Variants in CHD9 observed in about 807,000 individuals in gnomAD.
The protein encoded by CHD9 is ATP-dependent chromatin remodeler CHD9.
Under a neutral mutation model 316.1 loss-of-function variants are expected in CHD9, and 77 were observed. The observed-to-expected ratio is 0.24, with a 90% CI of 0.20 to 0.29. The LOEUF is 0.29. CHD9 is among the 10% of genes least tolerant of loss of function. The pLI is 1.00. For synonymous variants in CHD9, 1,129 were observed against 1,158.3 expected, an observed-to-expected ratio of 0.97 and a Z score of 0.51; for missense variants, 2,763 against 3,438.1, an observed-to-expected ratio of 0.80 and a Z score of 4.91.
At chr16:53,105,416 T>G (rs1183478283) in intron 1 of CHD9, among the ~76,000 whole-genome samples, 1 of 152,206 alleles carries the variant, frequency 6.6e-6, no homozygotes, top group African/African-American at 2.4e-5. Flanking sequence ...TACAACTTGA[T>G]TTTCTCATTT....
chr16:53,195,096 CAAATT>C (rs751103174), intron 2 of CHD9, among the ~76,000 whole-genome samples: 8 of 152,104 alleles, frequency 5.3e-5, no homozygotes, highest in Non-Finnish European at 7.4e-5. Context: ...AGAAAATACA[CAAATT>C]AAAAGTGAAC....
rs778810970 is a variant in CHD9 at position 53,267,440 on chromosome 16, C to T, written c.4467C>T (p.Gly1489=). The change falls in exon 21 of 39, where the codon GGC becomes GGT. Residue 1489 remains glycine, a synonymous_variant. Coordinates refer to ENST00000447540, the MANE Select transcript of CHD9 (RefSeq NM_001308319.2). ...KLRRPCDRSN[G]YGRTECFRVE... is the part of the protein sequence containing the mutation. ...GGAGACCCTGTGACCGTTCCAATGGCTATGGAAGAACTGAATGCTTTAGAG... is the reference window on the plus strand; with the variant it reads ...GGAGACCCTGTGACCGTTCCAATGGTTATGGAAGAACTGAATGCTTTAGAG... 6.2e-7 allele frequency: 1 copy of T among 1,610,996 alleles called. No homozygotes were observed. Among genetic ancestry groups the T allele is most frequent in the Non-Finnish European group, 8.5e-7 (1 of 1,178,274 alleles).
intron 38 of CHD9, among the ~76,000 whole-genome samples, chr16:53,322,531 G>A (rs1008672887): frequency 3.3e-5 from 5 of 151,386 alleles, no homozygotes; most frequent in African/African-American, 1.2e-4. Context: ...GGCAGAGGTT[G>A]CAGTGAGCCA....
intron 1 of CHD9, among the ~76,000 whole-genome samples, chr16:53,069,921 T>TG (rs201964458): frequency 5.9e-5 from 5 of 84,452 alleles, no homozygotes; most frequent in South Asian, 3.6e-4. Flanking sequence ...TGTTTGTGTG[T>TG]GGTTTTTTTT....
intron 21 of CHD9, 51 bp downstream of exon 21, chr16:53,267,541 A>ATAC: frequency 7.8e-7 from 1 of 1,279,556 alleles, no homozygotes; most frequent in South Asian, 1.6e-5. Flanking sequence ...ATGTAATGTT[A>ATAC]CAGAAAATAT....
intron 1 of CHD9, among the ~76,000 whole-genome samples, chr16:53,136,885 A>T (rs137899638): frequency 1.3e-3 from 199 of 152,268 alleles, no homozygotes; most frequent in African/African-American, 4.6e-3. Flanking sequence ...TAAAAACCAT[A>T]GATTAGGTCT....
At chr16:53,255,450 T>C in intron 18 of CHD9, 150 bp from the exon 19 acceptor site, 1 of 616,552 alleles carries the variant, frequency 1.6e-6, no homozygotes, top group Non-Finnish European at 2.8e-6. Flanking sequence ...AACTTCAATG[T>C]ATTATTTCTG....
chr16:53,136,189 TAA>T lies in CHD9; in HGVS notation c.-164-19736_-164-19735del, dbSNP rs539597594. ...ATTATGAAGTTAACCAAGCAAATAT[TAA>T]GTTTGGTTTTTGTTTGATTTTTACT... On this transcript the variant is annotated intron_variant, in intron 1 of 38. Transcript: ENST00000447540. Among the ~76,000 whole-genome samples the T allele has an allele frequency of 1.5e-3, 221 of 152,314 alleles. 1 individual carries two copies. The highest frequency in any genetic ancestry group is 5.0e-3 in the African/African-American group (209 of 41,582).
At chr16:53,118,010 G>C (rs2038448388) in intron 1 of CHD9, among the ~76,000 whole-genome samples, 1 of 151,722 alleles carries the variant, frequency 6.6e-6, no homozygotes, top group Non-Finnish European at 1.5e-5. Flanking sequence ...TGTATTTTTA[G>C]TAGAGACGGG....
At position 53,291,898 on chromosome 16, in the gene CHD9, G is replaced by A. The variant is rs1020217809; in HGVS notation, c.5290+131G>A. 2.5e-5 allele frequency: 13 copies of A among 512,978 alleles called. No homozygotes were observed. The South Asian group carries it at 3.0e-4, about 12-fold the overall frequency. The allele number at this position is 512,978 out of a possible 1,614,324, so 31.8% of individuals were successfully genotyped here. On this transcript the variant is annotated intron_variant, in intron 28 of 38. Transcript: ENST00000447540. ...ATTTTTATTGACTGCCATTGTAATC[G>A]TTATAGGACATACTAGTTGACTGGG...
At chr16:53,265,644 A>G (rs1397800872) in intron 20 of CHD9, among the ~76,000 whole-genome samples, 1 of 152,162 alleles carries the variant, frequency 6.6e-6, no homozygotes, top group Non-Finnish European at 1.5e-5. Flanking sequence ...AGTAAACTCT[A>G]ATTTGTGATA....
intron 1 of CHD9, among the ~76,000 whole-genome samples, chr16:53,057,808 G>T (rs936620293): frequency 6.6e-6 from 1 of 152,198 alleles, no homozygotes; most frequent in African/African-American, 2.4e-5. Context: ...CAAACAGGAG[G>T]ACACGCTGCT....
chr16:53,175,667 A>T (rs1271512512), intron 2 of CHD9, among the ~76,000 whole-genome samples: 2 of 152,318 alleles, frequency 1.3e-5, no homozygotes, highest in African/African-American at 4.8e-5. Context: ...CCATGATTAG[A>T]TTCCTGGAAA....
At chr16:53,164,084 A>G (rs1392140392) in intron 2 of CHD9, among the ~76,000 whole-genome samples, 3 of 152,244 alleles carry the variant, frequency 2.0e-5, no homozygotes, top group Non-Finnish European at 2.9e-5. Context: ...CACTTTACTT[A>G]AAAGCATATT....
intron 1 of CHD9, among the ~76,000 whole-genome samples, chr16:53,103,088 G>T (rs59036958): frequency 0.19 from 28,718 of 148,550 alleles, 3,058 homozygotes; most frequent in East Asian, 0.43. Flanking sequence ...CTCGTGATCC[G>T]CCCGCCTTGG....
intron 20 of CHD9, among the ~76,000 whole-genome samples, chr16:53,266,697 G>A (rs1051262380): frequency 6.6e-6 from 1 of 152,126 alleles, no homozygotes; most frequent in African/African-American, 2.4e-5. Context: ...ATAGTGCCTA[G>A]CTTAGAGAAG....
At chr16:53,152,028 G>T (rs2041163557) in intron 1 of CHD9, among the ~76,000 whole-genome samples, 1 of 152,004 alleles carries the variant, frequency 6.6e-6, no homozygotes, top group South Asian at 2.1e-4. Flanking sequence ...ACACGTGTGT[G>T]TGCATATGTG....
intron 3 of CHD9, among the ~76,000 whole-genome samples, chr16:53,217,348 G>A (rs1167137821): frequency 6.6e-6 from 1 of 152,256 alleles, no homozygotes; most frequent in Non-Finnish European, 1.5e-5. Context: ...CTGCCTCCCA[G>A]GTTCAAACGA....
At chr16:53,062,910 T>C (rs2033073562) in intron 1 of CHD9, among the ~76,000 whole-genome samples, 1 of 151,980 alleles carries the variant, frequency 6.6e-6, no homozygotes, top group African/African-American at 2.4e-5. Context: ...TAATCCCAGA[T>C]ACTCGGGAGG....
Sources: allele counts gnomAD v4.1 joint callset (sites outside exome capture counted in the v4.1 genomes callset), GRCh38; gene constraint gnomAD v4.1.1; transcripts MANE v1.5; gene names NCBI Gene and HGNC (gene_info 2026-07-23, HGNC 2026-07-21).